PRUNE2: variants seen among roughly 807,000 people sequenced by gnomAD.
PRUNE2 encodes the protein prune homolog 2 with BCH domain, also known as protein prune homolog 2.
PRUNE2 carries 164 observed loss-of-function variants against 252.0 expected under a neutral mutation model. The observed-to-expected ratio is 0.65, with a 90% CI of 0.57 to 0.74. The LOEUF (loss-of-function observed/expected upper bound fraction) is 0.74. Ranked by LOEUF, PRUNE2 falls within the 30% of genes least tolerant of loss-of-function variation. The pLI, the probability that PRUNE2 is intolerant of heterozygous loss-of-function variation, is 0.00. For synonymous variants in PRUNE2, 1,292 were observed against 1,350.2 expected (o/e 0.96, Z 0.94); for missense variants, 3,495 against 3,711.0 (o/e 0.94, Z 1.51).
chr9:76,677,980 A>G (rs780999657), intron 9 of PRUNE2, among the ~76,000 whole-genome samples: 3 of 152,232 alleles, frequency 2.0e-5, no homozygotes, highest in Non-Finnish European at 4.4e-5. Context: ...TCTTTATGCC[A>G]GCGTTTGCCA....
At position 76,710,938 on chromosome 9, in the gene PRUNE2, G is replaced by A; in HGVS notation, c.1336C>T (p.Leu446Phe). ...TCTCCCACGGGGCTGTCGTCACTGA[G>A]GAAAACAGAGCTCTCCTTGGATGAG... ...SRSSKESSVF[L>F]SDDSPVGEGA... Residue 446 changes from leucine (L) to phenylalanine (F), a missense_variant, in exon 8 of 19, where the codon CTC (leucine) becomes TTC (phenylalanine). Leu to Phe is a conservative substitution (Grantham distance 22). Transcript: ENST00000376718. The A allele has an allele frequency of 6.3e-7, 1 of 1,578,566 alleles. No homozygotes were observed. Among genetic ancestry groups the A allele is most frequent in the South Asian group, 1.2e-5 (1 of 84,432 alleles).
At chr9:76,877,325 C>A (rs941619784) in intron 1 of PRUNE2, among the ~76,000 whole-genome samples, 39 of 151,812 alleles carry the variant, frequency 2.6e-4, no homozygotes, top group African/African-American at 9.0e-4. Flanking sequence ...GGCAACATGG[C>A]GAAACCCCAT....
In PRUNE2 at chr9:76,709,647, A is replaced by G. The variant is rs1480439607; in HGVS notation, c.2627T>C (p.Ile876Thr). The G allele has an allele frequency of 6.2e-7, 1 of 1,613,990 alleles. No individual in the cohort carries two copies. Among genetic ancestry groups the G allele is most frequent in the Non-Finnish European group, 8.5e-7 (1 of 1,179,888 alleles). The change falls in exon 8 of 19, where the codon ATC (isoleucine) becomes ACC (threonine). Residue 876 changes from isoleucine to threonine, a missense_variant. Physicochemically the swap from Ile to Thr is moderately conservative, Grantham distance 89. Coordinates refer to ENST00000376718, the MANE Select transcript of PRUNE2 (RefSeq NM_015225.3). ...GKKNNDSRDH[I>T]FAPGNPSSDL... is the part of the protein sequence containing the mutation. ...AGAACTGGGATTTCCAGGTGCAAAGATGTGATCCCTGGAGTCATTGTTTTT... is the reference window on the plus strand; with the variant it reads ...AGAACTGGGATTTCCAGGTGCAAAGGTGTGATCCCTGGAGTCATTGTTTTT...
intron 6 of PRUNE2, among the ~76,000 whole-genome samples, chr9:76,717,322 C>T (rs1004602859): frequency 2.0e-5 from 3 of 152,136 alleles, no homozygotes; most frequent in Non-Finnish European, 4.4e-5. Context: ...GCTTTTATGC[C>T]GGTGCTGTTT....
chr9:76,815,936 G>C (rs924598264), intron 6 of PRUNE2, among the ~76,000 whole-genome samples: 1 of 152,056 alleles, frequency 6.6e-6, no homozygotes, highest in Admixed American at 6.5e-5. Context: ...TGAGGCGGGT[G>C]GATCACCTGA....
intron 6 of PRUNE2, among the ~76,000 whole-genome samples, chr9:76,741,954 T>G (rs1016354858): frequency 1.3e-5 from 2 of 152,228 alleles, no homozygotes; most frequent in Non-Finnish European, 2.9e-5. Flanking sequence ...AATTCACCAA[T>G]CTGGCTGTTT....
At chr9:76,639,838 C>A (rs941983225) in intron 12 of PRUNE2, among the ~76,000 whole-genome samples, 5 of 152,114 alleles carry the variant, frequency 3.3e-5, no homozygotes, top group Non-Finnish European at 7.4e-5. Context: ...CTCCGGGGGT[C>A]AAGGAACATG....
chr9:76,833,889 T>C (rs72735022), intron 4 of PRUNE2, among the ~76,000 whole-genome samples: 27 of 149,610 alleles, frequency 1.8e-4, no homozygotes, highest in Middle Eastern at 3.5e-3. Context: ...TTTTTTTGTT[T>C]TTTTTTTTTT....
At chr9:76,838,692 G>T (rs956630247) in intron 4 of PRUNE2, among the ~76,000 whole-genome samples, 5 of 144,104 alleles carry the variant, frequency 3.5e-5, no homozygotes, top group Admixed American at 2.1e-4. Context: ...GAACCCATCT[G>T]TACTGCTATG....
intron 17 of PRUNE2, among the ~76,000 whole-genome samples, chr9:76,619,982 TAATA>T (rs1056955932): frequency 1.3e-5 from 2 of 152,196 alleles, no homozygotes; most frequent in African/African-American, 4.8e-5. Context: ...CCTTATAAAA[TAATA>T]AATAAAAGTG....
chr9:76,668,246 T>C (rs2040583945), intron 9 of PRUNE2, among the ~76,000 whole-genome samples: 1 of 152,124 alleles, frequency 6.6e-6, no homozygotes, highest in Non-Finnish European at 1.5e-5. Context: ...ACTGTAAAAA[T>C]ACAAAAACAA....
intron 6 of PRUNE2, among the ~76,000 whole-genome samples, chr9:76,776,893 TAC>T (rs541232508): frequency 0.18 from 21,195 of 115,280 alleles, 1,815 homozygotes; most frequent in African/African-American, 0.23. Context: ...CCAAAACACA[TAC>T]ACACACACAC....
chr9:76,757,089 A>G (rs964990004), intron 6 of PRUNE2, among the ~76,000 whole-genome samples: 1 of 152,266 alleles, frequency 6.6e-6, no homozygotes, highest in Non-Finnish European at 1.5e-5. Flanking sequence ...CTATTACAGC[A>G]TAATAGTATT....
In PRUNE2 at chr9:76,703,644, C is replaced by T; in HGVS notation, c.7969G>A (p.Gly2657Ser). The T allele has an allele frequency of 6.2e-7, 1 of 1,612,418 alleles. No individual in the cohort carries two copies. Residue 2657 changes from glycine to serine, a missense_variant, in exon 9 of 19, where the codon GGC becomes AGC. Physicochemically the swap from Gly to Ser is moderately conservative, Grantham distance 56. Coordinates refer to ENST00000376718, the MANE Select transcript of PRUNE2 (RefSeq NM_015225.3). ...DARDSGPGWS[G>S]KTVEPFSELG... ...TCAGAGAACGGCTCCACAGTCTTGC[C>T]AGACCACCCAGGCCCTGAGTCCCTG...
chr9:76,765,416 T>G (rs1463101695), intron 6 of PRUNE2, among the ~76,000 whole-genome samples: 1 of 152,182 alleles, frequency 6.6e-6, no homozygotes, highest in Non-Finnish European at 1.5e-5. Context: ...GTGATCTTGA[T>G]GAGGGGTTTC....
chr9:76,705,451 T>G lies in PRUNE2; in HGVS notation c.6823A>C (p.Thr2275Pro). The G allele has an allele frequency of 6.2e-7, 1 of 1,613,924 alleles. No homozygotes were observed. The highest frequency in any genetic ancestry group is 1.1e-5 in the South Asian group (1 of 91,066). The change falls in exon 8 of 19, where the codon ACA becomes CCA. Residue 2275 changes from threonine (T) to proline (P), a missense_variant. Coordinates refer to ENST00000376718, the MANE Select transcript of PRUNE2 (RefSeq NM_015225.3). ...TCAGGAACCAAGGCAGGATTCTCTG[T>G]GGATAAATGTGGATCACCATCAAAC... ...ALFDGDPHLS[T>P]ENPALVPDAL...
At chr9:76,770,251 T>C (rs1016541672) in intron 6 of PRUNE2, among the ~76,000 whole-genome samples, 3 of 152,170 alleles carry the variant, frequency 2.0e-5, no homozygotes, top group African/African-American at 4.8e-5. Context: ...TTAGAGTGTG[T>C]TTATTTTAGT....
chr9:76,708,704 A>G lies in PRUNE2; in HGVS notation c.3570T>C (p.Pro1190=), dbSNP rs529376658. The G allele has an allele frequency of 1.0e-4, 161 of 1,613,996 alleles. No individual in the cohort carries two copies. The South Asian group carries it at 1.6e-3, about 16-fold the overall frequency. Residue 1190 remains proline (P), a synonymous_variant, in exon 8 of 19, where the codon CCT becomes CCC. Transcript: ENST00000376718. ...QEANQVDWEL[P]ASDEHTKDSA... is the part of the protein sequence containing the mutation. ...TGTCCTTGGTATGCTCATCAGAGGC[A>G]GGGAGCTCCCAATCTACCTGATTTG... is the stretch of plus-strand genomic sequence containing the variant.
Position 76,826,689 on chromosome 9 carries a change from G to C in PRUNE2, c.552C>G (p.Ile184Met). The C allele has an allele frequency of 6.2e-7, 1 of 1,612,350 alleles. No individual in the cohort carries two copies. Among genetic ancestry groups the C allele is most frequent in the Middle Eastern group, 1.6e-4 (1 of 6,062 alleles). Reference protein sequence around the residue: ...FKWMTMESEKISEKQEEILSI... With the variant: ...FKWMTMESEKMSEKQEEILSI... ...AAAGAATTTCCTCCTGCTTCTCTGA[G>C]ATCTTCTCTGATTCCATGGTCATCC... The change falls in exon 5 of 19, where the codon ATC becomes ATG. Residue 184 changes from isoleucine to methionine, a missense_variant. Ile to Met is a conservative substitution (Grantham distance 10, BLOSUM62 1). Coordinates refer to ENST00000376718, the MANE Select transcript of PRUNE2 (RefSeq NM_015225.3).
Sources: allele counts gnomAD v4.1 joint callset (sites outside exome capture counted in the v4.1 genomes callset), GRCh38; gene constraint gnomAD v4.1.1; transcripts MANE v1.5; gene names NCBI Gene and HGNC (gene_info 2026-07-23, HGNC 2026-07-21).